DPYD: variants seen among roughly 807,000 people sequenced by gnomAD.
DPYD encodes the protein dihydropyrimidine dehydrogenase, also known as dihydropyrimidine dehydrogenase [NADP(+)].
In DPYD, 109 loss-of-function variants were observed where a neutral mutation model predicts 116.2. The observed-to-expected ratio is 0.94, with a 90% CI of 0.80 to 1.10. DPYD has a LOEUF of 1.10. DPYD is among the 50% of genes least tolerant of loss of function. The probability of loss-of-function intolerance (pLI) is 0.00; values close to 1 mark genes in which losing one functional copy is unlikely to be tolerated. For synonymous variants in DPYD, 440 were observed against 432.0 expected (o/e 1.02, Z -0.23); for missense variants, 1,302 against 1,254.5 (o/e 1.04, Z -0.57).
chr1:97,393,413 A>T (rs1015126620), intron 14 of DPYD, among the ~76,000 whole-genome samples: 1 of 151,878 alleles, frequency 6.6e-6, no homozygotes, highest in Non-Finnish European at 1.5e-5. Context: ...CATTTACATT[A>T]GGTATATCTC....
intron 3 of DPYD, among the ~76,000 whole-genome samples, chr1:97,785,930 T>C (rs1666993592): frequency 6.6e-6 from 1 of 151,488 alleles, no homozygotes; most frequent in Non-Finnish European, 1.5e-5. Context: ...CCTGACCTCA[T>C]GATCCGCCTG....
chr1:97,454,653 A>T (rs887549262), intron 13 of DPYD, among the ~76,000 whole-genome samples: 25 of 152,020 alleles, frequency 1.6e-4, no homozygotes, highest in Middle Eastern at 3.4e-3. Flanking sequence ...ACCTTTTAAC[A>T]TTTGAAGTGA....
chr1:97,562,226 A>T (rs1029840450), intron 11 of DPYD, among the ~76,000 whole-genome samples: 4 of 152,204 alleles, frequency 2.6e-5, no homozygotes, highest in Non-Finnish European at 5.9e-5. Flanking sequence ...TCAGGGAAGA[A>T]TAGTTTTAGA....
At chr1:97,910,763 G>C (rs1394122723) in intron 1 of DPYD, among the ~76,000 whole-genome samples, 1 of 152,000 alleles carries the variant, frequency 6.6e-6, no homozygotes, top group Non-Finnish European at 1.5e-5. Flanking sequence ...GAGGTTATCA[G>C]TCTACTGCTG....
At chr1:97,283,999 G>T (rs912684633) in intron 18 of DPYD, among the ~76,000 whole-genome samples, 5 of 152,036 alleles carry the variant, frequency 3.3e-5, no homozygotes, top group Non-Finnish European at 7.4e-5. Context: ...CTTAATAAAA[G>T]GCAGCCGATA....
chr1:97,591,887 T>A (rs1371988435), intron 10 of DPYD, among the ~76,000 whole-genome samples: 1 of 149,564 alleles, frequency 6.7e-6, no homozygotes, highest in Non-Finnish European at 1.5e-5. Context: ...TAAGACTGTA[T>A]CCCAGGAAAA....
chr1:97,173,312 GCA>G (rs1297466772), intron 20 of DPYD, among the ~76,000 whole-genome samples: 15 of 147,420 alleles, frequency 1.0e-4, no homozygotes, highest in Admixed American at 4.0e-4. Context: ...ACATATATAT[GCA>G]CACATATATA....
intron 19 of DPYD, among the ~76,000 whole-genome samples, chr1:97,227,130 T>A (rs1259570308): frequency 6.6e-6 from 1 of 151,464 alleles, no homozygotes; most frequent in Non-Finnish European, 1.5e-5. Flanking sequence ...ATCGAGACCA[T>A]CCTGGCCAAC....
At chr1:97,889,745 T>C (rs1672685944) in intron 1 of DPYD, among the ~76,000 whole-genome samples, 1 of 151,988 alleles carries the variant, frequency 6.6e-6, no homozygotes, top group African/African-American at 2.4e-5. Context: ...ATAACAACTA[T>C]AAATCAACAA....
intron 12 of DPYD, among the ~76,000 whole-genome samples, chr1:97,540,604 T>G (rs1650381583): frequency 6.6e-6 from 1 of 152,196 alleles, no homozygotes; most frequent in African/African-American, 2.4e-5. Flanking sequence ...ATTTGTCTAT[T>G]GGCAAGTTCT....
intron 20 of DPYD, among the ~76,000 whole-genome samples, chr1:97,179,379 A>G (rs1264766844): frequency 6.6e-6 from 1 of 152,142 alleles, no homozygotes. Context: ...TAGCCTGATG[A>G]TGGGTGGGTG....
chr1:97,828,166 C>T lies in DPYD; in HGVS notation c.181G>A (p.Asp61Asn), dbSNP rs1557992438. Residue 61 changes from aspartate to asparagine, a missense_variant, in exon 3 of 23, where the codon GAC becomes AAC. Physicochemically the swap from Asp to Asn is conservative, Grantham distance 23. Coordinates refer to ENST00000370192, the MANE Select transcript of DPYD (RefSeq NM_000110.4). Reference sequence around the variant, plus strand: ...TCACCAAGAGTCGTGTGCTTGATGTCATCAAAATTATTCTCCAGCTTCTCA... The same window carrying T: ...TCACCAAGAGTCGTGTGCTTGATGTTATCAAAATTATTCTCCAGCTTCTCA... Reference protein sequence around the residue: ...NCEKLENNFDDIKHTTLGERG... With the variant: ...NCEKLENNFDNIKHTTLGERG... The T allele has an allele frequency of 1.2e-6, 2 of 1,613,580 alleles. No individual in the cohort carries two copies. The highest frequency in any genetic ancestry group is 2.2e-5 in the East Asian group (1 of 44,854).
At chr1:97,393,299 T>C (rs1052247536) in intron 14 of DPYD, among the ~76,000 whole-genome samples, 2 of 151,954 alleles carry the variant, frequency 1.3e-5, no homozygotes, top group Admixed American at 1.3e-4. Context: ...TTCTTTTTTT[T>C]TTAAATTATT....
chr1:97,851,519 A>G (rs1399090748), intron 2 of DPYD, among the ~76,000 whole-genome samples: 3 of 151,966 alleles, frequency 2.0e-5, no homozygotes, highest in Admixed American at 1.3e-4. Flanking sequence ...AAATATAGTT[A>G]TAATTTAAAT....
chr1:97,348,265 T>C (rs1018751060), intron 16 of DPYD, among the ~76,000 whole-genome samples: 4 of 152,178 alleles, frequency 2.6e-5, no homozygotes, highest in Admixed American at 1.3e-4. Flanking sequence ...TTTCATGTTC[T>C]GAATAATTCA....
At chr1:97,764,644 A>C (rs1665750158) in intron 3 of DPYD, among the ~76,000 whole-genome samples, 1 of 152,064 alleles carries the variant, frequency 6.6e-6, no homozygotes. Context: ...TACACTTTAA[A>C]GAATTTTTAA....
chr1:97,741,694 T>C (rs1057503402), intron 3 of DPYD, among the ~76,000 whole-genome samples: 13 of 152,076 alleles, frequency 8.5e-5, no homozygotes, highest in African/African-American at 3.1e-4. Context: ...TATAAAAGTG[T>C]TGGAAAAAGA....
chr1:97,807,342 G>T (rs988824960), intron 3 of DPYD, among the ~76,000 whole-genome samples: 2 of 151,976 alleles, frequency 1.3e-5, no homozygotes, highest in Admixed American at 6.6e-5. Flanking sequence ...CAGTGTTCTG[G>T]ATTTTGGCCA....
intron 8 of DPYD, among the ~76,000 whole-genome samples, chr1:97,619,330 A>C (rs971825000): frequency 3.3e-4 from 50 of 152,308 alleles, no homozygotes; most frequent in African/African-American, 1.2e-3. Context: ...GACAACTACT[A>C]GCTTATGATC....
Sources: allele counts gnomAD v4.1 joint callset (sites outside exome capture counted in the v4.1 genomes callset), GRCh38; gene constraint gnomAD v4.1.1; transcripts MANE v1.5; gene names NCBI Gene and HGNC (gene_info 2026-07-23, HGNC 2026-07-21).